CCDC33: variants seen among roughly 807,000 people sequenced by gnomAD.
The protein encoded by CCDC33 is coiled-coil domain-containing protein 33.
Under a neutral mutation model 91.9 loss-of-function variants are expected in CCDC33, and 94 were observed. The ratio of observed to expected loss-of-function variants is 1.02; its 90% CI spans 0.87 to 1.21. The LOEUF (loss-of-function observed/expected upper bound fraction) is 1.21. Ranked by LOEUF, CCDC33 falls within the 50% of genes most tolerant of loss-of-function variation. The pLI, the probability that CCDC33 is intolerant of heterozygous loss-of-function variation, is 0.00. For missense variants in CCDC33, 940 were observed against 935.5 expected (o/e 1.00, Z -0.06); for synonymous variants, 396 against 374.5 (o/e 1.06, Z -0.66).
At chr15:74,226,711 C>G (rs762439868) in intron 2 of CCDC33, among the ~76,000 whole-genome samples, 1 of 151,884 alleles carries the variant, frequency 6.6e-6, no homozygotes, top group Non-Finnish European at 1.5e-5. Flanking sequence ...GCCTGTAGTC[C>G]CAGCTACTCG....
chr15:74,204,934 CAAA>C (rs1006130543), intron 1 of CCDC33, among the ~76,000 whole-genome samples: 25 of 126,104 alleles, frequency 2.0e-4, no homozygotes, highest in Admixed American at 5.5e-4. Flanking sequence ...AACTCCATCT[CAAA>C]AAAAAAGAAA....
Position 74,335,965 on chromosome 15 carries a change from A to G in CCDC33, c.2180A>G (p.Glu727Gly). Residue 727 changes from glutamate (E) to glycine (G), a missense_variant, in exon 19 of 19, where the codon GAG becomes GGG. Physicochemically the swap from Glu to Gly is moderately conservative, Grantham distance 98. Coordinates refer to ENST00000398814, the MANE Select transcript of CCDC33 (RefSeq NM_025055.5). The stretch of plus-strand genomic sequence containing the variant: ...TCCATGGACCTCAAGCAGCCCTCAG[A>G]GCTGGAGCCCCTGCTGCCCAGCTCA... ...THSMDLKQPS[E>G]LEPLLPSSDS... 6.2e-7 allele frequency: 1 copy of G among 1,613,908 alleles called. No individual in the cohort carries two copies. Among genetic ancestry groups the G allele is most frequent in the Non-Finnish European group, 8.5e-7 (1 of 1,179,998 alleles).
intron 10 of CCDC33, among the ~76,000 whole-genome samples, chr15:74,290,534 A>G (rs1239058305): frequency 5.9e-5 from 9 of 152,214 alleles, no homozygotes; most frequent in Non-Finnish European, 1.2e-4. Context: ...AGATTGGTGC[A>G]TTGAATATAC....
intron 2 of CCDC33, among the ~76,000 whole-genome samples, chr15:74,257,670 C>A (rs2075909462): frequency 6.6e-6 from 1 of 152,248 alleles, no homozygotes; most frequent in South Asian, 2.1e-4. Context: ...CAGCCCCCCT[C>A]AAGCCTCACC....
At chr15:74,273,992 C>T (rs908316844) in intron 7 of CCDC33, among the ~76,000 whole-genome samples, 5 of 151,256 alleles carry the variant, frequency 3.3e-5, no homozygotes, top group African/African-American at 9.7e-5. Context: ...CCACCATGCC[C>T]GGCTAATTTT....
chr15:74,321,567 C>T (rs1362487265), intron 11 of CCDC33, among the ~76,000 whole-genome samples: 2 of 151,944 alleles, frequency 1.3e-5, no homozygotes, highest in South Asian at 2.1e-4. Flanking sequence ...GCCCGGTGTA[C>T]TTTTTGTATT....
In CCDC33 at chr15:74,330,304, A is replaced by G; in HGVS notation, c.1406A>G (p.Gln469Arg). 3 of 1,611,034 alleles carry G rather than the reference A, an allele frequency of 1.9e-6. No homozygotes were observed. The highest frequency in any genetic ancestry group is 1.1e-5 in the South Asian group (1 of 90,766). The change falls in exon 12 of 19, where the codon CAG becomes CGG. Residue 469 changes from glutamine (Q) to arginine (R), a missense_variant. Coordinates refer to ENST00000398814, the MANE Select transcript of CCDC33 (RefSeq NM_025055.5). ...CGCATACTGAGGAGCCGCCTGGCCC[A>G]GCAGGAGGAGGAAGAGGGGCAGGGC... is the stretch of plus-strand genomic sequence containing the variant. ...ENRILRSRLA[Q>R]QEEEEGQGKA...
Position 74,330,192 on chromosome 15 carries a change from A to G in CCDC33, c.1294A>G (p.Met432Val), listed in dbSNP as rs2277603. The G allele has an allele frequency of 0.094, 150,153 of 1,602,320 alleles. 8,644 individuals carry two copies. Among genetic ancestry groups the G allele is most frequent in the Middle Eastern group, 0.23 (1,347 of 5,926 alleles). ...LVPEMSHDTE[M>V]NNYRRAMQKM... ...CTCTGGGCTCTGGGATCCACAGGAG[A>G]TGAACAACTACCGGCGGGCCATGCA... is the stretch of plus-strand genomic sequence containing the variant. Residue 432 changes from methionine (M) to valine (V), a missense_variant, in exon 12 of 19, where the codon ATG (methionine) becomes GTG (valine). Physicochemically the swap from Met to Val is conservative, Grantham distance 21. Transcript: ENST00000398814.
intron 6 of CCDC33, among the ~76,000 whole-genome samples, chr15:74,272,443 C>G (rs1183500832): frequency 6.6e-6 from 1 of 152,204 alleles, no homozygotes; most frequent in African/African-American, 2.4e-5. Context: ...AACGTGTGCT[C>G]TCTGCCACAG....
intron 1 of CCDC33, chr15:74,209,240 G>A: frequency 5.3e-6 from 6 of 1,140,186 alleles, no homozygotes; most frequent in Non-Finnish European, 5.0e-6. Context: ...CAAACCGTTT[G>A]CTCGAAACTT....
At chr15:74,282,983 A>G (rs1455936265) in intron 10 of CCDC33, among the ~76,000 whole-genome samples, 2 of 152,172 alleles carry the variant, frequency 1.3e-5, no homozygotes, top group Admixed American at 6.5e-5. Flanking sequence ...CGCAGGAAAA[A>G]TATCCACCAG....
Position 74,332,690 on chromosome 15 carries a change from C to A in CCDC33, c.1783C>A (p.Leu595Ile). Residue 595 changes from leucine to isoleucine, a missense_variant, in exon 16 of 19, where the codon CTC becomes ATC. Coordinates refer to ENST00000398814, the MANE Select transcript of CCDC33 (RefSeq NM_025055.5). The stretch of plus-strand genomic sequence containing the variant: ...GGCCGTGTCTCTAGGCTTCCCTATG[C>A]TCTCAGCCTCTGGCCTTCCCTTGGG... ...QGKPYTGFPM[L>I]SASGLPLGSM... The A allele has an allele frequency of 6.2e-7, 1 of 1,614,120 alleles. No individual in the cohort carries two copies. Among genetic ancestry groups the A allele is most frequent in the East Asian group, 2.2e-5 (1 of 44,880 alleles).
At chr15:74,243,278 T>C (rs1283953722) in intron 1 of CCDC33, among the ~76,000 whole-genome samples, 1 of 152,258 alleles carries the variant, frequency 6.6e-6, no homozygotes, top group Non-Finnish European at 1.5e-5. Flanking sequence ...TGTAAAGTGC[T>C]GTGCACAGGA....
intron 10 of CCDC33, among the ~76,000 whole-genome samples, chr15:74,287,451 C>T (rs1278810846): frequency 6.6e-6 from 1 of 152,206 alleles, no homozygotes; most frequent in Non-Finnish European, 1.5e-5. Flanking sequence ...CCCACAGGTG[C>T]CCTTTCCCTC....
chr15:74,333,837 A>G, intron 16 of CCDC33, 44 bp from the exon 17 acceptor site: 1 of 1,525,348 alleles, frequency 6.6e-7, no homozygotes, highest in Non-Finnish European at 9.1e-7. Flanking sequence ...ACACTGCCAC[A>G]GCCTCCAGCT....
chr15:74,246,508 A>G (rs1295800052), intron 2 of CCDC33, among the ~76,000 whole-genome samples: 1 of 152,222 alleles, frequency 6.6e-6, no homozygotes, highest in Non-Finnish European at 1.5e-5. Context: ...AAAATGAGAA[A>G]AAGACCCGAA....
chr15:74,262,367 G>A (rs2076048554), intron 2 of CCDC33, 73 bp from the exon 3 acceptor site: 3 of 1,584,986 alleles, frequency 1.9e-6, no homozygotes, highest in Admixed American at 1.7e-5. Flanking sequence ...TTTATGGACA[G>A]TGGAGCCTGG....
At chr15:74,329,561 G>A (rs183446176) in intron 11 of CCDC33, among the ~76,000 whole-genome samples, 49 of 152,320 alleles carry the variant, frequency 3.2e-4, no homozygotes, top group African/African-American at 1.2e-3. Context: ...TAGGATTGCT[G>A]TTGTTCCTGA....
chr15:74,279,754 C>T (rs1039427562), intron 7 of CCDC33, among the ~76,000 whole-genome samples: 5 of 152,174 alleles, frequency 3.3e-5, no homozygotes, highest in African/African-American at 9.7e-5. Context: ...CCAGGCTGGT[C>T]TTGAACTCCT....
Sources: gnomAD v4.1 joint callset for allele counts (sites outside exome capture counted in the v4.1 genomes callset) on GRCh38, gnomAD v4.1.1 for gene constraint, MANE v1.5 for transcripts, NCBI Gene and HGNC (gene_info 2026-07-23, HGNC 2026-07-21) for gene names.